Variants in MGAM observed in about 807,000 individuals in gnomAD.
The protein encoded by MGAM is maltase-glucoamylase.
MGAM carries 253 observed loss-of-function variants against 358.8 expected under a neutral mutation model. The ratio of observed to expected loss-of-function variants is 0.71; its 90% confidence interval spans 0.64 to 0.78. The LOEUF (loss-of-function observed/expected upper bound fraction) is 0.78. Ranked by LOEUF, MGAM falls within the 30% of genes least tolerant of loss-of-function variation. MGAM has a pLI of 0.00. For synonymous variants in MGAM, 1,105 were observed against 1,227.1 expected (o/e 0.90, Z 2.08); for missense variants, 3,080 against 3,432.6 (o/e 0.90, Z 2.57).
chr7:142,041,895 A>AATATAT (rs1230785108), intron 21 of MGAM, among the ~76,000 whole-genome samples: 490 of 39,666 alleles, frequency 0.012, 12 homozygotes, highest in Non-Finnish European at 0.018. Flanking sequence ...TATAATATAT[A>AATATAT]ATATATATAT....
intron 21 of MGAM, among the ~76,000 whole-genome samples, chr7:142,045,200 T>TA (rs1563156710): frequency 1.5e-5 from 1 of 64,852 alleles, no homozygotes; most frequent in East Asian, 3.5e-4. Flanking sequence ...ATATAATATA[T>TA]ATTATATAAC....
At chr7:142,036,317 AT>A in intron 17 of MGAM, 32 bp downstream of exon 17, 1 of 1,521,602 alleles carries the variant, frequency 6.6e-7, no homozygotes. Flanking sequence ...GTCAGAATAA[AT>A]TTGGCATACA....
In MGAM at chr7:142,047,805, T is replaced by C. The variant is rs1229615324; in HGVS notation, c.2519T>C (p.Leu840Pro). 6.2e-7 allele frequency: 1 copy of C among 1,612,748 alleles called. No individual in the cohort carries two copies. The highest frequency in any genetic ancestry group is 1.7e-5 in the Admixed American group (1 of 59,994). The change falls in exon 22 of 71, where the codon CTT becomes CCT. Residue 840 changes from leucine (L) to proline (P), a missense_variant. By Grantham distance (98) the Leu-to-Pro change is moderately conservative. This residue lies in a region of MGAM where 1,816 missense variants were observed against 1,840.5 expected (regional missense o/e 0.99). Coordinates refer to ENST00000475668, the MANE Select transcript of MGAM (RefSeq NM_001365693.1). ...CACAGTCGAAAGAACCCTCTTGGTC[T>C]TATCATTGCCCTAGATGAGAACAAA... ...TLASRKNPLG[L>P]IIALDENKEA...
At chr7:142,019,562 C>T (rs1806251762) in intron 4 of MGAM, among the ~76,000 whole-genome samples, 1 of 152,230 alleles carries the variant, frequency 6.6e-6, no homozygotes, top group Admixed American at 6.5e-5. Context: ...ACCTTCATGA[C>T]TGCAATAATC....
rs373448537 is a variant in MGAM, at chr7:142,094,552, G to A, written c.7306+55G>A. On this transcript the variant is annotated intron_variant, in intron 61 of 70. Transcript: ENST00000475668. ...GGTAGGGCAGGGAGTTGGGATCCTTGGGGAAGAGGTGAGGAGGCAGGTCGT... is the reference window on the plus strand; with the variant it reads ...GGTAGGGCAGGGAGTTGGGATCCTTAGGGAAGAGGTGAGGAGGCAGGTCGT... 1.3e-5 allele frequency: 20 copies of A among 1,556,798 alleles called. 3 individuals are homozygous for A. The highest frequency in any genetic ancestry group is 1.1e-4 in the South Asian group (10 of 89,168).
intron 21 of MGAM, among the ~76,000 whole-genome samples, chr7:142,045,960 C>T (rs1200102624): frequency 8.6e-6 from 1 of 116,670 alleles, no homozygotes; most frequent in South Asian, 2.5e-4. Context: ...ATTATGTATA[C>T]ATACAATATG....
intron 58 of MGAM, among the ~76,000 whole-genome samples, 187 bp downstream of exon 58, chr7:142,092,234 C>T (rs1815454603): frequency 1.4e-5 from 2 of 146,242 alleles, no homozygotes; most frequent in African/African-American, 4.9e-5. Context: ...CCAGACCTGA[C>T]ATTACTACTA....
intron 21 of MGAM, among the ~76,000 whole-genome samples, chr7:142,041,063 C>G (rs1424273826): frequency 6.6e-6 from 1 of 152,112 alleles, no homozygotes; most frequent in Non-Finnish European, 1.5e-5. Context: ...ACACTGCATC[C>G]ATGTTTCTTT....
Position 142,078,818 on chromosome 7 carries a change from C to T in MGAM, c.5657C>T (p.Ser1886Phe). Reference protein sequence around the residue: ...ARGCIWEASNSSGVPFCYFVN... With the variant: ...ARGCIWEASNFSGVPFCYFVN... ...GGCCTTACTTTTCAGGCATCCAATT[C>T]TTCTGGAGTCCCTTTTTGCTATTTT... Residue 1886 changes from serine (S) to phenylalanine (F), a missense_variant, in exon 49 of 71, where the codon TCT (serine) becomes TTT (phenylalanine). Around this residue, in one of 5 missense-constraint regions of MGAM, gnomAD observed 932 missense variants for 1,198.2 expected, o/e 0.78. Coordinates refer to ENST00000475668, the MANE Select transcript of MGAM (RefSeq NM_001365693.1). 2 of 1,554,598 alleles carry T rather than the reference C, an allele frequency of 1.3e-6. No individual in the cohort carries two copies. The highest frequency in any genetic ancestry group is 2.2e-5 in the South Asian group (2 of 89,166).
intron 23 of MGAM, 24 bp downstream of exon 23, chr7:142,050,308 C>A (rs549226610): frequency 6.8e-6 from 11 of 1,609,354 alleles, no homozygotes; most frequent in African/African-American, 1.3e-5. Context: ...TTTTATGAAT[C>A]TTAGGTGTGG....
intron 2 of MGAM, among the ~76,000 whole-genome samples, chr7:142,006,057 A>G (rs1805134825): frequency 6.6e-6 from 1 of 152,054 alleles, no homozygotes; most frequent in Non-Finnish European, 1.5e-5. Context: ...AATAAAAAAA[A>G]CTTTATTTCT....
chr7:142,051,477 G>A (rs1585013687), intron 24 of MGAM, among the ~76,000 whole-genome samples: 1 of 152,098 alleles, frequency 6.6e-6, no homozygotes, highest in African/African-American at 2.4e-5. Context: ...CCAGACAAGT[G>A]AGAACTTTAA....
chr7:141,993,618 T>C (rs1213523932), upstream of MGAM, among the ~76,000 whole-genome samples: 1 of 152,222 alleles, frequency 6.6e-6, no homozygotes, highest in African/African-American at 2.4e-5. Context: ...TTTGTAGATA[T>C]AATTCTGAAA....
Position 142,040,191 on chromosome 7 carries a change from C to T in MGAM, c.2373+20C>T, listed in dbSNP as rs981366728. ...GAGACTGTAAGTAGCTTTGACTTTT[C>T]TTCTACTCCTTAAGACTGTAGCTGC... On this transcript the variant is annotated intron_variant, in intron 20 of 70. Transcript: ENST00000475668. 2 of 1,587,364 alleles carry T rather than the reference C, an allele frequency of 1.3e-6. No homozygotes were observed. The highest frequency in any genetic ancestry group is 3.4e-5 in the Admixed American group (2 of 59,456).
At chr7:142,051,381 C>T (rs112539168) in intron 24 of MGAM, among the ~76,000 whole-genome samples, 5,171 of 151,870 alleles carry the variant, frequency 0.034, 208 homozygotes, top group African/African-American at 0.097. Flanking sequence ...GGGCTGGGGA[C>T]TAGTAGAACA....
At position 142,027,242 on chromosome 7, in the gene MGAM, T is replaced by C. The variant is rs1554461294; in HGVS notation, c.1095+15T>C. On this transcript the variant is annotated intron_variant, in intron 9 of 70. Transcript: ENST00000475668. ...AATATCTAGAGGTAAACTTAGGATG[T>C]CAAGATTATGACTCAGGAAATCCTA... 6.4e-7 allele frequency: 1 copy of C among 1,568,278 alleles called. No homozygotes were observed. Among genetic ancestry groups the C allele is most frequent in the South Asian group, 1.1e-5 (1 of 90,026 alleles).
intron 63 of MGAM, 31 bp from the exon 64 acceptor site, chr7:142,095,534 A>C (rs1348057811): frequency 6.2e-7 from 1 of 1,611,612 alleles, no homozygotes; most frequent in African/African-American, 1.3e-5. Context: ...TTCCAGGGCA[A>C]GCTCCCAACA....
At chr7:142,002,679 G>A (rs192393445) in intron 1 of MGAM, among the ~76,000 whole-genome samples, 5 of 152,102 alleles carry the variant, frequency 3.3e-5, no homozygotes, top group African/African-American at 9.6e-5. Context: ...GAAAAGACAA[G>A]GATGCCCATT....
In MGAM at chr7:142,099,707, G is replaced by A; in HGVS notation, c.7844G>A (p.Trp2615Ter). The A allele has an allele frequency of 6.2e-7, 1 of 1,613,964 alleles. No homozygotes were observed. Among genetic ancestry groups the A allele is most frequent in the Non-Finnish European group, 8.5e-7 (1 of 1,179,874 alleles). ...LHVRGGYILP[W>*]QEPALNTHLS... ...GTCCGTGGGGGCTACATCCTGCCCT[G>A]GCAAGAGCCTGCACTGAACACCCAC... The change falls in exon 67 of 71, where the codon TGG becomes TAG. Residue 2615 changes from tryptophan (W) to a stop codon, truncating the protein, a stop_gained. Transcript: ENST00000475668. LOFTEE classifies it high-confidence loss of function.
Sources: gnomAD v4.1 joint callset for allele counts (sites outside exome capture counted in the v4.1 genomes callset) on GRCh38, gnomAD v4.1.1 for gene constraint, gnomAD v4.1.1 regional missense constraint, MANE v1.5 for transcripts, NCBI Gene and HGNC (gene_info 2026-07-23, HGNC 2026-07-21) for gene names.